The following STRIP2 variants were observed in gnomAD, a reference collection of about 807,000 sequenced individuals.
The protein encoded by STRIP2 is striatin interacting protein 2, also known as striatin-interacting protein 2.
A neutral mutation model predicts 107.1 loss-of-function variants in STRIP2; 84 were observed. The observed-to-expected ratio is 0.78, with a 90% CI of 0.66 to 0.94. STRIP2 has a LOEUF of 0.94. Among genes scored for constraint, STRIP2 ranks in the 40% least tolerant of loss-of-function variants. The pLI is 0.00. For synonymous variants in STRIP2, 394 were observed against 400.4 expected (o/e 0.98, Z 0.19); for missense variants, 888 against 1,034.2 (o/e 0.86, Z 1.94).
At position 129,464,731 on chromosome 7, in the gene STRIP2, T is replaced by G; in HGVS notation, c.1769T>G (p.Ile590Ser). Residue 590 changes from isoleucine (I) to serine (S), a missense_variant, in exon 16 of 21, where the codon ATC becomes AGC. Physicochemically the swap from Ile to Ser is moderately radical, Grantham distance 142 (BLOSUM62 -2). Transcript: ENST00000249344. ...CTCAAACACTTCAAACTCAACCATA[T>G]CTACCAGGTGAGCAGCTAGGAGCAC... ...LLLKHFKLNH[I>S]YQFEYVSQHL... The G allele has an allele frequency of 6.2e-7, 1 of 1,614,118 alleles. No homozygotes were observed. The highest frequency in any genetic ancestry group is 1.1e-5 in the South Asian group (1 of 91,084).
intron 18 of STRIP2, among the ~76,000 whole-genome samples, chr7:129,472,235 G>C (rs1420864834): frequency 6.6e-6 from 1 of 152,148 alleles, no homozygotes; most frequent in African/African-American, 2.4e-5. Context: ...AGAAGATAAA[G>C]TCAACTTTTA....
intron 18 of STRIP2, among the ~76,000 whole-genome samples, chr7:129,473,990 T>G (rs981137938): frequency 2.0e-5 from 3 of 152,218 alleles, no homozygotes; most frequent in Non-Finnish European, 4.4e-5. Context: ...GTGTTGGGAT[T>G]ACAGGCGTGA....
chr7:129,483,037 T>C lies in STRIP2; in HGVS notation c.2245T>C (p.Tyr749His), dbSNP rs1455932182. The C allele has an allele frequency of 6.2e-7, 1 of 1,614,202 alleles. No individual in the cohort carries two copies. Among genetic ancestry groups the C allele is most frequent in the Non-Finnish European group, 8.5e-7 (1 of 1,180,022 alleles). Reference sequence around the variant, plus strand: ...TCACCGCATGAACGATGACTGGGCTTACGGGAATGGTGAGTCTTCCCAAAG... The same window carrying C: ...TCACCGCATGAACGATGACTGGGCTCACGGGAATGGTGAGTCTTCCCAAAG... Reference protein sequence around the residue: ...VRHRMNDDWAYGNDIDARPWD... With the variant: ...VRHRMNDDWAHGNDIDARPWD... The change falls in exon 20 of 21, where the codon TAC becomes CAC. Residue 749 changes from tyrosine to histidine, a missense_variant. Physicochemically the swap from Tyr to His is moderately conservative, Grantham distance 83 (BLOSUM62 2). Coordinates refer to ENST00000249344, the MANE Select transcript of STRIP2 (RefSeq NM_020704.3). The surrounding 1 kb of genome is among the most constrained non-coding windows in gnomAD (Gnocchi z 5.1).
chr7:129,459,467 A>G (rs773558680), intron 11 of STRIP2, 50 bp from the exon 12 acceptor site: 47 of 1,506,130 alleles, frequency 3.1e-5, no homozygotes, highest in Non-Finnish European at 4.3e-5. Context: ...GGGTATCAGT[A>G]GTTCTCGTAC....
At chr7:129,475,574 A>ATTTTTT (rs1272392374) in intron 18 of STRIP2, among the ~76,000 whole-genome samples, 4 of 42,444 alleles carry the variant, frequency 9.4e-5, no homozygotes, top group Admixed American at 2.9e-4. Flanking sequence ...TTTTCTTTTT[A>ATTTTTT]TTTTTTTTTA....
At chr7:129,473,391 T>C (rs1798839898) in intron 18 of STRIP2, among the ~76,000 whole-genome samples, 1 of 152,242 alleles carries the variant, frequency 6.6e-6, no homozygotes, top group Admixed American at 6.5e-5. Context: ...AGACAGGGTC[T>C]TGCTTTGTCA....
intron 1 of STRIP2, among the ~76,000 whole-genome samples, chr7:129,437,421 G>A (rs1797770288): frequency 6.6e-6 from 1 of 151,556 alleles, no homozygotes; most frequent in Non-Finnish European, 1.5e-5. Flanking sequence ...CTGGGTGAGA[G>A]GAAGACCCTG....
chr7:129,459,563 G>A lies in STRIP2; in HGVS notation c.1387G>A (p.Val463Met), dbSNP rs1346482468. 1.2e-6 allele frequency: 2 copies of A among 1,613,950 alleles called. No homozygotes were observed. The highest frequency in any genetic ancestry group is 2.2e-5 in the East Asian group (1 of 44,884). ...VGLPRPIHES[V>M]KTLKQHKYIS... ...ATTACCCAGGCCCATCCATGAGAGT[G>A]TGAAGACCCTAAAGCAGGTGACTGG... The change falls in exon 12 of 21, where the codon GTG (valine) becomes ATG (methionine). Residue 463 changes from valine to methionine, a missense_variant. Coordinates refer to ENST00000249344, the MANE Select transcript of STRIP2 (RefSeq NM_020704.3).
rs1797752489 is a variant in STRIP2, at chr7:129,436,780, A to G, written c.129+2179A>G. Reference sequence around the variant, plus strand: ...GAGAATTACTGTGGCACAAGTCAAGAGAGCCTCATCGTGTATCACTGTTTA... The same window carrying G: ...GAGAATTACTGTGGCACAAGTCAAGGGAGCCTCATCGTGTATCACTGTTTA... On this transcript the variant is annotated intron_variant, in intron 1 of 20. Coordinates refer to ENST00000249344, the MANE Select transcript of STRIP2 (RefSeq NM_020704.3). 2.0e-5 allele frequency among the ~76,000 whole-genome samples: 3 copies of G among 152,324 alleles called. No individual in the cohort carries two copies. The South Asian group carries it at 6.2e-4, about 32-fold the overall frequency.
intron 3 of STRIP2, 69 bp from the exon 4 acceptor site, chr7:129,451,544 G>T: frequency 1.9e-6 from 3 of 1,584,278 alleles, no homozygotes; most frequent in Non-Finnish European, 2.6e-6. Flanking sequence ...AGGTGGATAT[G>T]CTATGAGGAG....
intron 3 of STRIP2, among the ~76,000 whole-genome samples, 173 bp from the exon 4 acceptor site, chr7:129,451,440 A>G (rs1017122759): frequency 7.2e-5 from 11 of 152,200 alleles, no homozygotes; most frequent in African/African-American, 2.4e-4. Context: ...TTCAGGCCAG[A>G]ACATTTTGGG....
intron 3 of STRIP2, among the ~76,000 whole-genome samples, chr7:129,451,334 A>C (rs1798186398): frequency 6.6e-6 from 1 of 152,146 alleles, no homozygotes; most frequent in Admixed American, 6.5e-5. Flanking sequence ...ATGTAGGGAG[A>C]CAGAGGGAAC....
At chr7:129,456,729 C>T (rs1798367955) in intron 9 of STRIP2, 87 bp downstream of exon 9, 2 of 1,268,954 alleles carry the variant, frequency 1.6e-6, no homozygotes, top group African/African-American at 3.0e-5. Flanking sequence ...TAGGAAAAAG[C>T]AGTAAATGAC....
chr7:129,477,197 A>G (rs1314499925), intron 18 of STRIP2, among the ~76,000 whole-genome samples: 1 of 11,398 alleles, frequency 8.8e-5, no homozygotes, highest in African/African-American at 5.0e-4. Context: ...GGGGAGAGGG[A>G]GGGGGAGGGG....
In STRIP2 at chr7:129,458,516, G is replaced by A; in HGVS notation, c.1274+66G>A. On this transcript the variant is annotated intron_variant, in intron 10 of 20. Transcript: ENST00000249344. The surrounding 1 kb of genome is among the most constrained non-coding windows in gnomAD (Gnocchi z 4.6). ...TCAGTCTCCAAAGGCCCAAGATGGG[G>A]TAGTCTATGTATTCAAGGCTCGTTA... 7.3e-7 allele frequency: 1 copy of A among 1,370,334 alleles called. No homozygotes were observed. Among genetic ancestry groups the A allele is most frequent in the Non-Finnish European group, 9.9e-7 (1 of 1,011,210 alleles). 84.9% of individuals were successfully genotyped at this position (1,370,334 alleles called of 1,614,324 possible).
chr7:129,444,718 A>G (rs1457728245), intron 3 of STRIP2, among the ~76,000 whole-genome samples: 1 of 152,172 alleles, frequency 6.6e-6, no homozygotes, highest in Non-Finnish European at 1.5e-5. Flanking sequence ...AAAGACAATA[A>G]TAAGGGCATA....
At chr7:129,453,157 A>C (rs1798242302) in intron 4 of STRIP2, 70 bp from the exon 5 acceptor site, 1 of 1,595,728 alleles carries the variant, frequency 6.3e-7, no homozygotes, top group African/African-American at 1.3e-5. Flanking sequence ...TCTTAAGATC[A>C]TGGGGCAGGG....
At chr7:129,482,735 A>G in intron 19 of STRIP2, 107 bp from the exon 20 acceptor site, 1 of 1,318,738 alleles carries the variant, frequency 7.6e-7, no homozygotes, top group Non-Finnish European at 1.1e-6. Context: ...GATTCCTGAA[A>G]GCTCCCCAGG....
At chr7:129,450,479 G>A (rs1798154983) in intron 3 of STRIP2, among the ~76,000 whole-genome samples, 1 of 152,144 alleles carries the variant, frequency 6.6e-6, no homozygotes, top group African/African-American at 2.4e-5. Flanking sequence ...GTAATTTCAT[G>A]TGCCCACACT....
Sources: allele counts gnomAD v4.1 joint callset (sites outside exome capture counted in the v4.1 genomes callset), GRCh38; gene constraint gnomAD v4.1.1; non-coding constraint Gnocchi (gnomAD v3.1); transcripts MANE v1.5; gene names NCBI Gene and HGNC (gene_info 2026-07-23, HGNC 2026-07-21).